PTPRN2: variants seen among roughly 807,000 people sequenced by gnomAD.
PTPRN2 encodes the protein protein tyrosine phosphatase receptor type N2.
In PTPRN2, 74 loss-of-function variants were observed where a neutral mutation model predicts 118.8. The ratio of observed to expected loss-of-function variants is 0.62; its 90% confidence interval spans 0.52 to 0.76. PTPRN2 has a LOEUF of 0.76. Among genes scored for constraint, PTPRN2 ranks in the 30% least tolerant of loss-of-function variants. The pLI is 0.00. For synonymous variants in PTPRN2, 641 were observed against 608.0 expected (o/e 1.05, Z -0.80); for missense variants, 1,481 against 1,394.4 (o/e 1.06, Z -0.99).
At chr7:158,435,116 A>G (rs73522517) in intron 2 of PTPRN2, among the ~76,000 whole-genome samples, 2 of 152,366 alleles carry the variant, frequency 1.3e-5, no homozygotes, top group African/African-American at 4.8e-5. Flanking sequence ...AGACTACATC[A>G]AACTAAAGTT....
chr7:158,395,826 G>A (rs1812436868), intron 2 of PTPRN2, among the ~76,000 whole-genome samples: 1 of 150,244 alleles, frequency 6.7e-6, no homozygotes, highest in Non-Finnish European at 1.5e-5. Context: ...GAGGGCTCCC[G>A]GCCTGCGCCG....
chr7:158,054,641 C>G (rs918304415), intron 11 of PTPRN2, among the ~76,000 whole-genome samples: 1 of 152,174 alleles, frequency 6.6e-6, no homozygotes, highest in African/African-American at 2.4e-5. Flanking sequence ...TTGGCGGGCC[C>G]AGTAATGGGG....
At chr7:158,033,275 G>A (rs1267230051) in intron 11 of PTPRN2, among the ~76,000 whole-genome samples, 1 of 152,194 alleles carries the variant, frequency 6.6e-6, no homozygotes, top group Non-Finnish European at 1.5e-5. Context: ...CCTGGGCAGT[G>A]GAGGAGGATG....
chr7:157,875,000 C>T lies in PTPRN2; in HGVS notation c.1788+23673G>A, dbSNP rs1473551365. On this transcript the variant is annotated intron_variant, in intron 12 of 22. Coordinates refer to ENST00000389418, the MANE Select transcript of PTPRN2 (RefSeq NM_002847.5). The surrounding 1 kb of genome is among the most constrained non-coding windows in gnomAD (Gnocchi z 5.8). ...ACAGGCACACACAGGCAGACGCAAA[C>T]GTGCATGCACACAGACACACAGACA... Among the ~76,000 whole-genome samples, 6 of 147,482 alleles carry T rather than the reference C, an allele frequency of 4.1e-5. No individual in the cohort carries two copies. The highest frequency in any genetic ancestry group is 7.6e-5 in the Non-Finnish European group (5 of 66,160).
In PTPRN2 at chr7:158,237,863, T is replaced by C. The variant is rs145872346; in HGVS notation, c.278-32590A>G. ...CCCCCCGGCAGACACAGCGCTTACA[T>C]GGGAGTGCACGAAGGACACCCTTCC... On this transcript the variant is annotated intron_variant, in intron 3 of 22. Transcript: ENST00000389418. 7.3e-3 allele frequency among the ~76,000 whole-genome samples: 1,106 copies of C among 152,142 alleles called. 18 individuals carry two copies. Among genetic ancestry groups the C allele is most frequent in the African/African-American group, 0.025 (1,053 of 41,524 alleles).
chr7:158,211,060 A>T (rs1827556867), intron 3 of PTPRN2, among the ~76,000 whole-genome samples: 1 of 152,178 alleles, frequency 6.6e-6, no homozygotes, highest in Admixed American at 6.5e-5. Flanking sequence ...AACAATCGTC[A>T]ACTGTCCTGG....
chr7:157,981,544 T>A (rs533103299), intron 11 of PTPRN2, among the ~76,000 whole-genome samples: 1 of 152,366 alleles, frequency 6.6e-6, no homozygotes, highest in Admixed American at 6.5e-5. Flanking sequence ...AAAGGAGCTT[T>A]TCCCTTTCAT....
rs577648475 is a variant in PTPRN2 at position 158,117,089 on chromosome 7, T to TA, written c.1557-6175dup. On this transcript the variant is annotated intron_variant, in intron 9 of 22. Transcript: ENST00000389418. The stretch of plus-strand genomic sequence containing the variant: ...AAGGTAAGTCAACAATAATTGTCTC[T>TA]AAAAAAAGACCTGATGGCAGATGTA... Among the ~76,000 whole-genome samples the TA allele has an allele frequency of 3.7e-4, 56 of 151,966 alleles. No homozygotes were observed. The East Asian group carries it at 0.01, about 27-fold the overall frequency.
chr7:157,766,256 ATCCATCCATCCT>A (rs935322113), intron 12 of PTPRN2, among the ~76,000 whole-genome samples: 1 of 142,016 alleles, frequency 7.0e-6, no homozygotes, highest in Non-Finnish European at 1.5e-5. Flanking sequence ...TCCTTCCTCC[ATCCATCCATCCT>A]TCCATCCATT....
rs921855562 is a variant in PTPRN2, at chr7:157,619,961, C to T, written c.2344+1401G>A. On this transcript the variant is annotated intron_variant, in intron 15 of 22. Transcript: ENST00000389418. This position sits in a 1 kb window ranked among gnomAD's most constrained non-coding sequence, Gnocchi z 5.3. Reference sequence around the variant, plus strand: ...CGGCCACAGGGGACACTGGTCCCGCCTGATGCTGAGCTGAAAGTGAGTGTG... The same window carrying T: ...CGGCCACAGGGGACACTGGTCCCGCTTGATGCTGAGCTGAAAGTGAGTGTG... 1.3e-5 allele frequency among the ~76,000 whole-genome samples: 2 copies of T among 152,236 alleles called. No individual in the cohort carries two copies. The highest frequency in any genetic ancestry group is 2.9e-5 in the Non-Finnish European group (2 of 68,040).
chr7:158,425,665 G>A (rs1176531918), intron 2 of PTPRN2, among the ~76,000 whole-genome samples: 1 of 24,280 alleles, frequency 4.1e-5, no homozygotes, highest in African/African-American at 2.5e-4. Context: ...AAAGACGCGG[G>A]GTCCAAGTGC....
chr7:157,552,948 G>A (rs1208809835), intron 21 of PTPRN2, among the ~76,000 whole-genome samples: 1 of 152,220 alleles, frequency 6.6e-6, no homozygotes, highest in Non-Finnish European at 1.5e-5. Context: ...TTGATGCTCA[G>A]GCAACCTCAC....
chr7:157,633,929 C>G (rs1328121613), intron 14 of PTPRN2, among the ~76,000 whole-genome samples: 1 of 152,196 alleles, frequency 6.6e-6, no homozygotes, highest in Non-Finnish European at 1.5e-5. Flanking sequence ...GAAGACCACC[C>G]TGGTTCCCAG....
rs75193738 is a variant in PTPRN2, at chr7:158,263,122, C to T, written c.277+53697G>A. On this transcript the variant is annotated intron_variant, in intron 3 of 22. Transcript: ENST00000389418. ...ACACTGCACACACACACTGCACACA[C>T]ATACACATATACACACATTCACACA... Among the ~76,000 whole-genome samples, 6 of 64,702 alleles carry T rather than the reference C, an allele frequency of 9.3e-5. No homozygotes were observed. The East Asian group carries it at 1.1e-3, about 12-fold the overall frequency. The allele number at this position is 64,702 out of a possible 152,430, so 42.4% of individuals were successfully genotyped here. A position where few individuals can be genotyped will look rare whatever the true frequency, so the allele number is the denominator to read the frequency against.
chr7:158,484,892 C>T (rs117287890), intron 2 of PTPRN2, among the ~76,000 whole-genome samples: 3,221 of 152,300 alleles, frequency 0.021, 59 homozygotes, highest in Middle Eastern at 0.037. Context: ...CAGTTGGAGA[C>T]GTGAAGGCTG....
intron 1 of PTPRN2, among the ~76,000 whole-genome samples, chr7:158,542,441 C>T (rs1396835365): frequency 2.0e-5 from 3 of 152,240 alleles, no homozygotes; most frequent in South Asian, 4.1e-4. Context: ...GCGTGAGCCA[C>T]GGTGCCTGGC....
At chr7:157,753,201 T>A (rs1371190694) in intron 12 of PTPRN2, among the ~76,000 whole-genome samples, 1 of 152,194 alleles carries the variant, frequency 6.6e-6, no homozygotes, top group Non-Finnish European at 1.5e-5. Context: ...CCCCGCGCAG[T>A]GGGCTTCTGT....
chr7:158,276,252 G>T (rs57174710), intron 3 of PTPRN2, among the ~76,000 whole-genome samples: 11 of 31,180 alleles, frequency 3.5e-4, no homozygotes, highest in African/African-American at 6.1e-4. Context: ...GGTCCTGGTA[G>T]CACCCCCACA....
At chr7:158,272,086 C>G (rs1042631243) in intron 3 of PTPRN2, among the ~76,000 whole-genome samples, 4 of 152,208 alleles carry the variant, frequency 2.6e-5, no homozygotes, top group Non-Finnish European at 1.5e-5. Flanking sequence ...AATTTTAAAA[C>G]GATTTTTCCT....
Sources: gnomAD v4.1 joint callset for allele counts (sites outside exome capture counted in the v4.1 genomes callset) on GRCh38, gnomAD v4.1.1 for gene constraint, Gnocchi (gnomAD v3.1) non-coding constraint, MANE v1.5 for transcripts, NCBI Gene and HGNC (gene_info 2026-07-23, HGNC 2026-07-21) for gene names.